The following GK5 variants were observed in gnomAD, a reference collection of about 807,000 sequenced individuals.
GK5 encodes the protein ATP:glycerol 3-phosphotransferase 5.
Under a neutral mutation model 77.3 loss-of-function variants are expected in GK5, and 39 were observed. That is an observed-to-expected ratio of 0.50 (90% CI 0.39 to 0.66). The LOEUF (loss-of-function observed/expected upper bound fraction) is 0.66, where lower values mean the gene tolerates loss of function less well. Ranked by LOEUF, GK5 falls within the 30% of genes least tolerant of loss-of-function variation. The probability of loss-of-function intolerance (pLI) is 0.00; values close to 1 mark genes in which losing one functional copy is unlikely to be tolerated. For missense variants in GK5, 487 were observed against 633.8 expected (o/e 0.77, Z 2.49); for synonymous variants, 211 against 208.0 (o/e 1.01, Z -0.13).
chr3:142,188,282 A>C (rs1414186034), intron 5 of GK5, among the ~76,000 whole-genome samples: 1 of 152,184 alleles, frequency 6.6e-6, no homozygotes, highest in Non-Finnish European at 1.5e-5. Context: ...CTGTAATCCC[A>C]GCACTTTGGG....
rs374746690 is a variant in GK5 at position 142,215,229 on chromosome 3, G to C, written c.241+370C>G. On this transcript the variant is annotated intron_variant, in intron 2 of 15. Coordinates refer to ENST00000392993, the MANE Select transcript of GK5 (RefSeq NM_001039547.3). ...ACAAATAAAAACTCATTTTACAATA[G>C]AAATAACTCAGTTGTAAACCCATGA... 6.6e-5 allele frequency among the ~76,000 whole-genome samples: 10 copies of C among 152,274 alleles called. No individual in the cohort carries two copies. The East Asian group carries it at 1.5e-3, about 23-fold the overall frequency.
In GK5 at chr3:142,159,632, A is replaced by G. The variant is rs2063409133; in HGVS notation, c.*5990T>C. ...TATGGCTATGAGGCTTCAAAACTTA[A>G]AAAAAAAAAAAAGATTCCTTTTACT... On this transcript the variant is annotated 3_prime_UTR_variant, in exon 16 of 16. Transcript: ENST00000392993. 1.3e-5 allele frequency: 1 copy of G among 79,262 alleles called. No individual in the cohort carries two copies. Among genetic ancestry groups the G allele is most frequent in the South Asian group, 2.9e-4 (1 of 3,398 alleles). 4.9% of individuals were successfully genotyped at this position (79,262 alleles called of 1,614,324 possible). A position where few individuals can be genotyped will look rare whatever the true frequency, so the allele number is the denominator to read the frequency against.
chr3:142,184,839 T>A, intron 9 of GK5: 1 of 984,506 alleles, frequency 1.0e-6, no homozygotes, highest in South Asian at 4.7e-5. Flanking sequence ...TGAAACTCCA[T>A]CTCAAAAACA....
chr3:142,210,855 G>A (rs1023313832), intron 3 of GK5, among the ~76,000 whole-genome samples: 1 of 152,218 alleles, frequency 6.6e-6, no homozygotes, highest in Admixed American at 6.5e-5. Context: ...AGGTCCTGAT[G>A]AAAGCAATCA....
intron 4 of GK5, among the ~76,000 whole-genome samples, chr3:142,199,531 C>G (rs1012034330): frequency 6.6e-6 from 1 of 152,068 alleles, no homozygotes; most frequent in African/African-American, 2.4e-5. Context: ...TACTAGACAA[C>G]GAAGGATGAG....
At position 142,225,166 on chromosome 3, in the gene GK5, G is replaced by A. The variant is rs1049657962; in HGVS notation, c.147+143C>T. On this transcript the variant is annotated intron_variant, in intron 1 of 15. Coordinates refer to ENST00000392993, the MANE Select transcript of GK5 (RefSeq NM_001039547.3). ...AAGACTCAGCCGGTCTGGGCGCGCC[G>A]TTCTGGCCCCAGGGCCCGCGGGTGC... The A allele has an allele frequency of 4.5e-6, 4 of 886,978 alleles. No individual in the cohort carries two copies. The African/African-American group carries it at 7.2e-5, about 16-fold the overall frequency. The allele number at this position is 886,978 out of a possible 1,614,324, so 54.9% of individuals were successfully genotyped here. A position where few individuals can be genotyped will look rare whatever the true frequency, so the allele number is the denominator to read the frequency against.
intron 12 of GK5, among the ~76,000 whole-genome samples, chr3:142,172,757 C>T (rs192696371): frequency 6.6e-6 from 1 of 152,312 alleles, no homozygotes; most frequent in East Asian, 1.9e-4. Flanking sequence ...GAAGAGCAAT[C>T]ACAGCAATCC....
Position 142,181,555 on chromosome 3 carries a change from T to C in GK5, c.954A>G (p.Pro318=), listed in dbSNP as rs2107773816. 3 of 1,610,984 alleles carry C rather than the reference T, an allele frequency of 1.9e-6. No homozygotes were observed. Among genetic ancestry groups the C allele is most frequent in the Middle Eastern group, 1.7e-4 (1 of 6,054 alleles). The change falls in exon 11 of 16, where the codon CCA becomes CCG. Residue 318 remains proline (P), a synonymous_variant. Coordinates refer to ENST00000392993, the MANE Select transcript of GK5 (RefSeq NM_001039547.3). ...CTTGCCCAATCTTCCACCCAATTAA[T>C]GGATAAAAGCCTTGCAAAACAAACA... The part of the protein sequence containing the change: ...SLQQTTGGFY[P]LIGWKIGQEV...
chr3:142,186,706 C>T (rs1012263899), intron 6 of GK5, among the ~76,000 whole-genome samples, 193 bp from the exon 7 acceptor site: 2 of 150,632 alleles, frequency 1.3e-5, no homozygotes, highest in Non-Finnish European at 3.0e-5. Flanking sequence ...TCTTGGCTCA[C>T]CGCAACCTCT....
At chr3:142,218,884 T>C (rs534231232) in intron 1 of GK5, among the ~76,000 whole-genome samples, 5 of 152,202 alleles carry the variant, frequency 3.3e-5, no homozygotes, top group Admixed American at 3.3e-4. Flanking sequence ...TATAAAAAAT[T>C]TCAAAACTCG....
intron 11 of GK5, among the ~76,000 whole-genome samples, chr3:142,180,307 CT>C (rs887517347): frequency 9.3e-4 from 134 of 143,620 alleles, no homozygotes; most frequent in Admixed American, 9.0e-4. Flanking sequence ...TTTCTTTTTT[CT>C]TTTTTTTTTT....
rs1235760266 is a variant in GK5 at position 142,159,322 on chromosome 3, A to G, written c.*6300T>C. On this transcript the variant is annotated 3_prime_UTR_variant, in exon 16 of 16. Coordinates refer to ENST00000392993, the MANE Select transcript of GK5 (RefSeq NM_001039547.3). ...AAAACAGTTTGGCTGTTTCTTATAAAGATAAGATTCATTTAAATGGGAGTC... is the reference window on the plus strand; with the variant it reads ...AAAACAGTTTGGCTGTTTCTTATAAGGATAAGATTCATTTAAATGGGAGTC... 6.6e-6 allele frequency: 1 copy of G among 152,244 alleles called. No homozygotes were observed. The highest frequency in any genetic ancestry group is 2.4e-5 in the African/African-American group (1 of 41,464). The allele number at this position is 152,244 out of a possible 1,614,324, so 9.4% of individuals were successfully genotyped here.
Position 142,194,694 on chromosome 3 carries a change from A to C in GK5, c.543+4108T>G, listed in dbSNP as rs76700326. ...TGACAGACTCTGTGTCAAAAAAGAA[A>C]ATTTTTTTTTTTGTATATTGATCTT... On this transcript the variant is annotated intron_variant, in intron 5 of 15. Transcript: ENST00000392993. Among the ~76,000 whole-genome samples the C allele has an allele frequency of 3.6e-4, 54 of 151,772 alleles. 1 individual carries two copies. The East Asian group carries it at 6.2e-3, about 17-fold the overall frequency.
At chr3:142,166,467 A>G (rs776156252) in intron 15 of GK5, among the ~76,000 whole-genome samples, 1 of 152,164 alleles carries the variant, frequency 6.6e-6, no homozygotes. Context: ...CCAGTTTAAG[A>G]TAATTTTGTA....
intron 4 of GK5, chr3:142,204,426 T>C (rs2064072235): frequency 2.1e-6 from 1 of 468,002 alleles, no homozygotes; most frequent in African/African-American, 2.0e-5. Flanking sequence ...TCTGTATCTT[T>C]TCCATTTCTC....
At chr3:142,198,570 C>T (rs765781120) in intron 5 of GK5, among the ~76,000 whole-genome samples, 5 of 152,222 alleles carry the variant, frequency 3.3e-5, no homozygotes, top group East Asian at 1.9e-4. Flanking sequence ...GCCGAGATCA[C>T]GCCATTGCAC....
At chr3:142,171,570 T>G (rs1040142506) in intron 13 of GK5, 92 bp from the exon 14 acceptor site, 8 of 885,398 alleles carry the variant, frequency 9.0e-6, no homozygotes, top group Admixed American at 7.8e-5. Flanking sequence ...AACTATAGTT[T>G]TATTTATTTG....
intron 1 of GK5, among the ~76,000 whole-genome samples, chr3:142,220,080 T>G (rs905477480): frequency 6.6e-6 from 1 of 152,222 alleles, no homozygotes; most frequent in Non-Finnish European, 1.5e-5. Flanking sequence ...AGGAAAACAT[T>G]AACAAGGTTT....
chr3:142,169,781 T>C (rs1284941266), intron 15 of GK5, among the ~76,000 whole-genome samples: 1 of 150,638 alleles, frequency 6.6e-6, no homozygotes, highest in Non-Finnish European at 1.5e-5. Flanking sequence ...CAAGCAATTC[T>C]CCTGTCTCAG....
Sources: allele counts gnomAD v4.1 joint callset (sites outside exome capture counted in the v4.1 genomes callset), GRCh38; gene constraint gnomAD v4.1.1; transcripts MANE v1.5; gene names NCBI Gene and HGNC (gene_info 2026-07-23, HGNC 2026-07-21).